UBP1: variants seen among roughly 807,000 people sequenced by gnomAD.
The protein encoded by UBP1 is upstream binding protein 1.
Under a neutral mutation model 76.1 loss-of-function variants are expected in UBP1, and 22 were observed. The observed-to-expected ratio is 0.29, with a 90% CI of 0.21 to 0.41. The LOEUF is 0.41. Among genes scored for constraint, UBP1 ranks in the 10% least tolerant of loss-of-function variants. The probability of loss-of-function intolerance (pLI) is 1.00; values close to 1 mark genes in which losing one functional copy is unlikely to be tolerated. For synonymous variants in UBP1, 224 were observed against 237.1 expected (o/e 0.94, Z 0.51); for missense variants, 436 against 668.1 (o/e 0.65, Z 3.83).
At chr3:33,411,762 G>T in intron 4 of UBP1, 75 bp from the exon 5 acceptor site, 3 of 1,184,604 alleles carry the variant, frequency 2.5e-6, no homozygotes, top group East Asian at 2.4e-5. Context: ...ACTATATTAT[G>T]TTCTAATGAA....
At chr3:33,421,521 C>T (rs1397457705) in intron 2 of UBP1, among the ~76,000 whole-genome samples, 2 of 152,178 alleles carry the variant, frequency 1.3e-5, no homozygotes, top group African/African-American at 4.8e-5. Flanking sequence ...CTGCCCACCT[C>T]AGCCTCCCAA....
At position 33,396,774 on chromosome 3, in the gene UBP1, C is replaced by T. The variant is rs1213171142; in HGVS notation, c.1271+271G>A. The T allele has an allele frequency of 4.9e-6, 3 of 616,712 alleles. No homozygotes were observed. The East Asian group carries it at 1.1e-4, about 22-fold the overall frequency. 38.2% of individuals were successfully genotyped at this position (616,712 alleles called of 1,614,324 possible). A position where few individuals can be genotyped will look rare whatever the true frequency, so the allele number is the denominator to read the frequency against. The stretch of plus-strand genomic sequence containing the variant: ...ATTAGAAGTTTTGTTTTCTTGGCAA[C>T]AAACCCAGTCGTCTTCAAGAAATCA... On this transcript the variant is annotated intron_variant, in intron 12 of 15. Transcript: ENST00000283629.
chr3:33,411,736 A>T (rs1257376623), intron 4 of UBP1, 49 bp from the exon 5 acceptor site: 1 of 1,462,458 alleles, frequency 6.8e-7, no homozygotes, highest in Admixed American at 1.7e-5. Context: ...TAAATAACTT[A>T]AAAAACTTAC....
chr3:33,439,458 C>T (rs959466337), intron 1 of UBP1, among the ~76,000 whole-genome samples: 2 of 152,252 alleles, frequency 1.3e-5, no homozygotes, highest in African/African-American at 4.8e-5. Flanking sequence ...CAACCCAAGC[C>T]ATCCTAATAG....
intron 2 of UBP1, among the ~76,000 whole-genome samples, chr3:33,423,206 A>G (rs2044947115): frequency 6.6e-6 from 1 of 151,970 alleles, no homozygotes; most frequent in South Asian, 2.1e-4. Context: ...TGCCTGGCTA[A>G]TTTTTGTATT....
chr3:33,409,619 C>T lies in UBP1; in HGVS notation c.556-18G>A, dbSNP rs756205893. ...CAGTGTACCTATAAAACGATTCAGG[C>T]TGAAATGGATTCAAAGAACTTCCAC... On this transcript the variant is annotated intron_variant, in intron 5 of 15. Coordinates refer to ENST00000283629, the MANE Select transcript of UBP1 (RefSeq NM_014517.5). 6.2e-7 allele frequency: 1 copy of T among 1,614,052 alleles called. No homozygotes were observed. The highest frequency in any genetic ancestry group is 1.1e-5 in the South Asian group (1 of 91,078).
rs1455523499 is a variant in UBP1, at chr3:33,390,268, A to G, written c.*63T>C. 3 of 1,499,534 alleles carry G rather than the reference A, an allele frequency of 2.0e-6. No individual in the cohort carries two copies. The African/African-American group carries it at 4.2e-5, about 21-fold the overall frequency. 92.9% of individuals were successfully genotyped at this position (1,499,534 alleles called of 1,614,324 possible). On this transcript the variant is annotated 3_prime_UTR_variant, in exon 16 of 16. Coordinates refer to ENST00000283629, the MANE Select transcript of UBP1 (RefSeq NM_014517.5). ...TCCAATCCCAAGACTTCTTGGATTC[A>G]GTCTTCACACACTTTTAAGCGTGAC...
At chr3:33,401,877 C>G (rs1482847819) in intron 9 of UBP1, among the ~76,000 whole-genome samples, 1 of 152,070 alleles carries the variant, frequency 6.6e-6, no homozygotes, top group African/African-American at 2.4e-5. Flanking sequence ...TATTCTAAGC[C>G]CTCAGACATG....
chr3:33,397,935 T>C (rs1016879797), intron 11 of UBP1: 4 of 152,170 alleles, frequency 2.6e-5, no homozygotes, highest in Non-Finnish European at 5.9e-5. Flanking sequence ...ATACACACCA[T>C]GAACTACTAT....
At chr3:33,427,605 T>C (rs2045039703) in intron 1 of UBP1, among the ~76,000 whole-genome samples, 1 of 152,202 alleles carries the variant, frequency 6.6e-6, no homozygotes. Context: ...TGAAAACAAG[T>C]GAAATGGGAC....
chr3:33,397,676 C>T (rs977977991), intron 11 of UBP1: 1 of 152,092 alleles, frequency 6.6e-6, no homozygotes, highest in Non-Finnish European at 1.5e-5. Context: ...ATAAACAACT[C>T]TGTCACAGCA....
Position 33,389,259 on chromosome 3 carries a change from C to A in UBP1, c.*1072G>T, listed in dbSNP as rs1446663324. 6.6e-6 allele frequency: 1 copy of A among 152,514 alleles called. No individual in the cohort carries two copies. The highest frequency in any genetic ancestry group is 1.5e-5 in the Non-Finnish European group (1 of 68,016). The allele number at this position is 152,514 out of a possible 1,614,324, so 9.4% of individuals were successfully genotyped here. On this transcript the variant is annotated 3_prime_UTR_variant, in exon 16 of 16. Transcript: ENST00000283629. Reference sequence around the variant, plus strand: ...GTCTATCCATGATTGTACTAAAGCTCAATATTTGAGAGGCTTAAGGGATTT... The same window carrying A: ...GTCTATCCATGATTGTACTAAAGCTAAATATTTGAGAGGCTTAAGGGATTT...
Position 33,439,622 on chromosome 3 carries a change from G to A in UBP1, c.113+114C>T, listed in dbSNP as rs536549586. The A allele has an allele frequency of 2.5e-4, 290 of 1,165,016 alleles. 2 individuals are homozygous for A. In the East Asian group the frequency reaches 6.4e-3, roughly 26 times the overall value. The allele number at this position is 1,165,016 out of a possible 1,614,324, so 72.2% of individuals were successfully genotyped here. Reference sequence around the variant, plus strand: ...CGCCACGCGGCAGGACTCCGACCCCGCAGCCCAGGAGGCCCGCGCACCTCT... The same window carrying A: ...CGCCACGCGGCAGGACTCCGACCCCACAGCCCAGGAGGCCCGCGCACCTCT... On this transcript the variant is annotated intron_variant, in intron 1 of 15. Transcript: ENST00000283629.
At chr3:33,413,091 A>G (rs1349212865) in intron 3 of UBP1, among the ~76,000 whole-genome samples, 3 of 152,212 alleles carry the variant, frequency 2.0e-5, no homozygotes, top group Admixed American at 1.3e-4. Context: ...TTGTTATTGC[A>G]ATTCAAAATT....
In UBP1 at chr3:33,439,749, C is replaced by G; in HGVS notation, c.100G>C (p.Ala34Pro). ...GGAGCCCAGTACCTCATGCTGTAAG[C>G]GCCGGCGCCCAGTTCCTGCCCGATG... ...SGIGQELGAG[A>P]YSMSDVLALP... Residue 34 changes from alanine to proline, a missense_variant, in exon 1 of 16, where the codon GCT becomes CCT. By Grantham distance (27) the Ala-to-Pro change is conservative. Transcript: ENST00000283629. The G allele has an allele frequency of 6.2e-7, 1 of 1,612,278 alleles. No homozygotes were observed. The highest frequency in any genetic ancestry group is 8.5e-7 in the Non-Finnish European group (1 of 1,179,444).
chr3:33,390,851 T>C (rs1484582016), intron 15 of UBP1: 3 of 153,064 alleles, frequency 2.0e-5, no homozygotes, highest in Admixed American at 2.0e-4. Flanking sequence ...TCTCAGTAAA[T>C]AGTGAGAAGC....
At position 33,390,454 on chromosome 3, in the gene UBP1, C is replaced by T. The variant is rs1378636840; in HGVS notation, c.1586-86G>A. 5 of 1,397,566 alleles carry T rather than the reference C, an allele frequency of 3.6e-6. No homozygotes were observed. The East Asian group carries it at 1.1e-4, about 32-fold the overall frequency. 86.6% of individuals were successfully genotyped at this position (1,397,566 alleles called of 1,614,324 possible). On this transcript the variant is annotated intron_variant, in intron 15 of 15. Coordinates refer to ENST00000283629, the MANE Select transcript of UBP1 (RefSeq NM_014517.5). ...TGGAAAACTCCCTGCCAACTACAAC[C>T]TCCCTTCCCAATTCAGAGGTTACCT...
rs138739379 is a variant in UBP1, at chr3:33,392,686, G to A, written c.1534-72C>T. The A allele has an allele frequency of 4.3e-6, 6 of 1,390,840 alleles. No homozygotes were observed. In the East Asian group the frequency reaches 1.4e-4, roughly 32 times the overall value. The allele number at this position is 1,390,840 out of a possible 1,614,324, so 86.2% of individuals were successfully genotyped here. ...CGTTTCTTAAAATGATTTTAAAACA[G>A]TAAATATTCTTCTCAAACAAACACA... is the stretch of plus-strand genomic sequence containing the variant. On this transcript the variant is annotated intron_variant, in intron 14 of 15. Transcript: ENST00000283629.
chr3:33,397,887 A>AACTTAT (rs1035471198), intron 11 of UBP1: 11 of 152,194 alleles, frequency 7.2e-5, no homozygotes, highest in Admixed American at 7.2e-4. Context: ...AAGAAAAAAA[A>AACTTAT]ACTTACATAT....
Sources: gnomAD v4.1 joint callset for allele counts (sites outside exome capture counted in the v4.1 genomes callset) on GRCh38, gnomAD v4.1.1 for gene constraint, MANE v1.5 for transcripts, NCBI Gene and HGNC (gene_info 2026-07-23, HGNC 2026-07-21) for gene names.